The following KIF23 variants were observed in gnomAD, a reference collection of about 807,000 sequenced individuals.
KIF23 encodes the protein kinesin family member 23.
A neutral mutation model predicts 137.5 loss-of-function variants in KIF23; 30 were observed. The observed-to-expected ratio is 0.22, with a 90% CI of 0.16 to 0.30. KIF23 has a LOEUF of 0.30. Ranked by LOEUF, KIF23 falls within the 10% of genes least tolerant of loss-of-function variation. KIF23 has a pLI of 1.00. For synonymous variants in KIF23, 367 were observed against 391.1 expected, an observed-to-expected ratio of 0.94 and a Z score of 0.73; for missense variants, 920 against 1,194.3, an observed-to-expected ratio of 0.77 and a Z score of 3.38.
intron 2 of KIF23, 46 bp from the exon 3 acceptor site, chr15:69,417,337 G>A: frequency 6.6e-7 from 1 of 1,510,736 alleles, no homozygotes; most frequent in Non-Finnish European, 8.9e-7. Context: ...GAAAAATCAG[G>A]CAAAAGGTCG....
chr15:69,437,695 G>A (rs2057517266), intron 15 of KIF23, among the ~76,000 whole-genome samples: 2 of 151,940 alleles, frequency 1.3e-5, no homozygotes, highest in East Asian at 3.9e-4. Flanking sequence ...TCCTGACATC[G>A]TGATCCACCC....
At position 69,429,129 on chromosome 15, in the gene KIF23, A is replaced by G. The variant is rs374983918; in HGVS notation, c.1030A>G (p.Ile344Val). 4.3e-6 allele frequency: 7 copies of G among 1,612,364 alleles called. No individual in the cohort carries two copies. The highest frequency in any genetic ancestry group is 1.1e-5 in the South Asian group (1 of 90,892). The change falls in exon 11 of 24, where the codon ATA (isoleucine) becomes GTA (valine). Residue 344 changes from isoleucine (I) to valine (V), a missense_variant. Around this residue, in one of 4 missense-constraint regions of KIF23, gnomAD observed 714 missense variants for 866.2 expected, o/e 0.82. Transcript: ENST00000679126. ...NVLQEKEQITISQLSLVDLAG... is the reference protein window; with the variant it reads ...NVLQEKEQITVSQLSLVDLAG... ...TTTTTAGGAAAAAGAACAAATCACTATAAGTCAGTTGTCCTTGGTAGATCT... is the reference window on the plus strand; with the variant it reads ...TTTTTAGGAAAAAGAACAAATCACTGTAAGTCAGTTGTCCTTGGTAGATCT...
chr15:69,446,431 C>G (rs1266000345), intron 22 of KIF23, 67 bp downstream of exon 22: 1 of 1,260,826 alleles, frequency 7.9e-7, no homozygotes, highest in South Asian at 1.2e-5. Context: ...AACCCCACAG[C>G]TCTAGATTTT....
chr15:69,439,043 A>C, intron 16 of KIF23, among the ~76,000 whole-genome samples: 1 of 151,618 alleles, frequency 6.6e-6, no homozygotes, highest in Non-Finnish European at 1.5e-5. Flanking sequence ...GGCTGCAGTG[A>C]GCTGGGATTG....
chr15:69,437,433 A>G (rs79207586), intron 15 of KIF23, among the ~76,000 whole-genome samples: 11,662 of 149,106 alleles, frequency 0.078, 818 homozygotes, highest in East Asian at 0.18. Flanking sequence ...TAGTGAATGT[A>G]TCTCAGTGAA....
chr15:69,435,524 G>A lies in KIF23; in HGVS notation c.1156G>A (p.Asp386Asn), dbSNP rs768858610. 2.5e-6 allele frequency: 4 copies of A among 1,613,974 alleles called. No homozygotes were observed. The highest frequency in any genetic ancestry group is 3.4e-6 in the Non-Finnish European group (4 of 1,179,894). Residue 386 changes from aspartate (D) to asparagine (N), a missense_variant, in exon 12 of 24, where the codon GAT becomes AAT. This residue lies in a region of KIF23 where 714 missense variants were observed against 866.2 expected (regional missense o/e 0.82). Transcript: ENST00000679126. The part of the protein sequence containing the change: ...QSLMTLRTCM[D>N]VLRENQMYGT... ...ACTAATGACGCTAAGAACATGTATG[G>A]ATGTCCTAAGAGAGAACCAAATGTA...
Position 69,447,897 on chromosome 15 carries a change from T to C in KIF23, c.*90T>C, listed in dbSNP as rs954515018. 2 of 1,359,948 alleles carry C rather than the reference T, an allele frequency of 1.5e-6. No individual in the cohort carries two copies. Among genetic ancestry groups the C allele is most frequent in the South Asian group, 1.2e-5 (1 of 82,432 alleles). The allele number at this position is 1,359,948 out of a possible 1,614,324, so 84.2% of individuals were successfully genotyped here. ...AGAAGCAGTCTTCCAGGTCATCTTG[T>C]AGAACTCCAGCTTTGTTGAAAATCA... On this transcript the variant is annotated 3_prime_UTR_variant, in exon 24 of 24. Transcript: ENST00000679126.
At chr15:69,426,239 T>C (rs2057187500) in intron 9 of KIF23, 57 bp downstream of exon 9, 1 of 1,593,356 alleles carries the variant, frequency 6.3e-7, no homozygotes, top group South Asian at 1.1e-5. Context: ...CTAGAGTTGC[T>C]ACTAAGTTTG....
intron 6 of KIF23, chr15:69,422,869 C>T (rs1022649179): frequency 6.9e-5 from 21 of 305,200 alleles, no homozygotes; most frequent in Non-Finnish European, 1.1e-4. Flanking sequence ...GGCATGATCT[C>T]GGCTCACTGC....
chr15:69,423,237 T>A lies in KIF23; in HGVS notation c.642T>A (p.Ser214Arg). The A allele has an allele frequency of 6.3e-7, 1 of 1,589,924 alleles. No homozygotes were observed. The highest frequency in any genetic ancestry group is 8.6e-7 in the Non-Finnish European group (1 of 1,160,990). ...AAGCAGAAGAGGTTGATGAAGATAG[T>A]GTCTATGGTGTATTTGTCTCTTATA... is the stretch of plus-strand genomic sequence containing the variant. ...FCKAEEVDED[S>R]VYGVFVSYIE... Residue 214 changes from serine to arginine, a missense_variant, in exon 7 of 24, where the codon AGT becomes AGA. Transcript: ENST00000679126.
chr15:69,445,688 GC>G (rs1469912745), intron 20 of KIF23, among the ~76,000 whole-genome samples: 1 of 152,188 alleles, frequency 6.6e-6, no homozygotes, highest in Non-Finnish European at 1.5e-5. Flanking sequence ...ATGCCTTAGA[GC>G]GTGTAGAAAC....
In KIF23 at chr15:69,440,140, G is replaced by T; in HGVS notation, c.1929+63G>T. On this transcript the variant is annotated intron_variant, in intron 17 of 23. Coordinates refer to ENST00000679126, the MANE Select transcript of KIF23 (RefSeq NM_001367805.3). Reference sequence around the variant, plus strand: ...ATGATTTATTTTACATTGTAGTTAGGTTCGATATTTTGAATTATTGTATTT... The same window carrying T: ...ATGATTTATTTTACATTGTAGTTAGTTTCGATATTTTGAATTATTGTATTT... 5 of 1,562,048 alleles carry T rather than the reference G, an allele frequency of 3.2e-6. No individual in the cohort carries two copies. In the South Asian group the frequency reaches 5.9e-5, roughly 18 times the overall value.
chr15:69,426,140 G>T lies in KIF23; in HGVS notation c.847G>T (p.Glu283Ter). 1.2e-6 allele frequency: 2 copies of T among 1,609,280 alleles called. No individual in the cohort carries two copies. The highest frequency in any genetic ancestry group is 2.2e-5 in the South Asian group (2 of 89,892). ...NMYVAGCTEV[E>*]VKSTEEAFEV... ...GTATGTTGCAGGATGTACAGAAGTT[G>T]AAGTGAAATCTACTGAGGAGGCTTT... Residue 283 changes from glutamate (E) to a stop codon, truncating the protein, a stop_gained, in exon 9 of 24, where the codon GAA becomes TAA. Coordinates refer to ENST00000679126, the MANE Select transcript of KIF23 (RefSeq NM_001367805.3). LOFTEE classifies it high-confidence loss of function.
intron 2 of KIF23, 135 bp downstream of exon 2, chr15:69,416,198 A>G (rs368198580): frequency 5.8e-6 from 3 of 519,766 alleles, no homozygotes; most frequent in African/African-American, 4.0e-5. Flanking sequence ...AGTTAAATGG[A>G]TGTACTACAT....
chr15:69,416,104 CTT>C (rs2140305989), intron 2 of KIF23, 41 bp downstream of exon 2: 1 of 1,307,200 alleles, frequency 7.6e-7, no homozygotes, highest in South Asian at 1.4e-5. Context: ...GTTTAAGAAA[CTT>C]ATCTCTTCAG....
Position 69,443,109 on chromosome 15 carries a change from C to A in KIF23, c.2422-1681C>A, listed in dbSNP as rs2057660237. Among the ~76,000 whole-genome samples the A allele has an allele frequency of 2.6e-5, 4 of 152,038 alleles. No homozygotes were observed. In the South Asian group the frequency reaches 6.2e-4, roughly 24 times the overall value. On this transcript the variant is annotated intron_variant, in intron 19 of 23. Coordinates refer to ENST00000679126, the MANE Select transcript of KIF23 (RefSeq NM_001367805.3). ...AAATCATTGTAGGAATGGAAAGTTC[C>A]TGTTTGTCTTGAGGCTCAGCATCTT... is the stretch of plus-strand genomic sequence containing the variant.
Position 69,440,937 on chromosome 15 carries a change from C to T in KIF23, c.2279C>T (p.Ala760Val). Reference protein sequence around the residue: ...YNTPLKVTSIARRRQQEPGQS... With the variant: ...YNTPLKVTSIVRRRQQEPGQS... ...ACACCTCTCAAAGTCACATCTATTG[C>T]AAGGCGTAGGCAGCAGGAGCCAGGA... is the stretch of plus-strand genomic sequence containing the variant. Residue 760 changes from alanine to valine, a missense_variant, in exon 19 of 24, where the codon GCA becomes GTA. Physicochemically the swap from Ala to Val is moderately conservative, Grantham distance 64. This residue lies in a region of KIF23 where 714 missense variants were observed against 866.2 expected (regional missense o/e 0.82). Coordinates refer to ENST00000679126, the MANE Select transcript of KIF23 (RefSeq NM_001367805.3). The T allele has an allele frequency of 6.8e-6, 11 of 1,614,188 alleles. No homozygotes were observed. Among genetic ancestry groups the T allele is most frequent in the Non-Finnish European group, 9.3e-6 (11 of 1,180,036 alleles).
Position 69,422,425 on chromosome 15 carries a change from T to A in KIF23, c.553T>A (p.Ser185Thr), listed in dbSNP as rs1016414327. ...AGAAGCTATGCCCAATCCAAAGACT[T>A]CTTCTAGCAAGTAAGTAATTATATT... ...KREAMPNPKTSSSKRQVDPEF... is the reference protein window; with the variant it reads ...KREAMPNPKTTSSKRQVDPEF... Residue 185 changes from serine (S) to threonine (T), a missense_variant, in exon 6 of 24, where the codon TCT (serine) becomes ACT (threonine). Transcript: ENST00000679126. 1.0e-5 allele frequency: 16 copies of A among 1,580,006 alleles called. No homozygotes were observed. The highest frequency in any genetic ancestry group is 2.2e-5 in the South Asian group (2 of 90,368).
chr15:69,422,645 C>T (rs537179755), intron 6 of KIF23, among the ~76,000 whole-genome samples: 3 of 152,162 alleles, frequency 2.0e-5, no homozygotes, highest in Admixed American at 6.5e-5. Flanking sequence ...GAGGGTGCCA[C>T]TCTGGATGGG....
Sources: gnomAD v4.1 joint callset for allele counts (sites outside exome capture counted in the v4.1 genomes callset) on GRCh38, gnomAD v4.1.1 for gene constraint, gnomAD v4.1.1 regional missense constraint, MANE v1.5 for transcripts, NCBI Gene and HGNC (gene_info 2026-07-23, HGNC 2026-07-21) for gene names.